SOD2: variants seen among roughly 807,000 people sequenced by gnomAD.
SOD2 encodes superoxide dismutase 2, also known as superoxide dismutase [Mn], mitochondrial.
SOD2 carries 11 observed loss-of-function variants against 27.0 expected under a neutral mutation model. The ratio of observed to expected loss-of-function variants is 0.41; its 90% CI spans 0.26 to 0.67. The LOEUF (loss-of-function observed/expected upper bound fraction) is 0.67. SOD2 is among the 30% of genes least tolerant of loss of function. The probability of loss-of-function intolerance (pLI) is 0.34; values close to 1 mark genes in which losing one functional copy is unlikely to be tolerated. For synonymous variants in SOD2, 105 were observed against 103.0 expected (o/e 1.02, Z -0.12); for missense variants, 250 against 274.5 (o/e 0.91, Z 0.63).
intron 1 of SOD2, among the ~76,000 whole-genome samples, chr6:159,751,407 T>C (rs1779815553): frequency 6.6e-6 from 1 of 152,212 alleles, no homozygotes; most frequent in South Asian, 2.1e-4. Flanking sequence ...ACCAATGAAA[T>C]ATATATACTT....
intron 2 of SOD2, among the ~76,000 whole-genome samples, chr6:159,688,966 G>C (rs1780320123): frequency 6.6e-6 from 1 of 152,188 alleles, no homozygotes; most frequent in South Asian, 2.1e-4. Context: ...TTGGGACAGA[G>C]GACCAGTATT....
At position 159,715,931 on chromosome 6, in the gene SOD2, T is replaced by TA. The variant is rs796266302; in HGVS notation, c.-116+11197dup. Among the ~76,000 whole-genome samples, 32 of 150,446 alleles carry TA rather than the reference T, an allele frequency of 2.1e-4. No individual in the cohort carries two copies. In the South Asian group the frequency reaches 4.6e-3, roughly 22 times the overall value. ...AAAAAAAAAAAAAAAGTTCTGAAAA[T>TA]AAAATCCTTCAAGACCCTTATATTT... On this transcript the variant is annotated intron_variant, in intron 1 of 2. Coordinates refer to the SOD2 transcript ENST00000401980.
At chr6:159,691,728 A>G (rs1214846645) in intron 2 of SOD2, 7 of 90,576 alleles carry the variant, frequency 7.7e-5, no homozygotes, top group Admixed American at 6.8e-4. Context: ...GCTCTTGAGA[A>G]AAAAAAAAAA....
intron 1 of SOD2, among the ~76,000 whole-genome samples, chr6:159,735,412 T>C (rs915502024): frequency 1.3e-5 from 2 of 152,212 alleles, no homozygotes; most frequent in Non-Finnish European, 2.9e-5. Context: ...ATGCTGAGAT[T>C]ACAGTCGTGA....
rs551910115 is a variant in SOD2 at position 159,676,077 on chromosome 6, C to G, written c.*6416G>C. 6.6e-6 allele frequency: 1 copy of G among 152,234 alleles called. No individual in the cohort carries two copies. Among genetic ancestry groups the G allele is most frequent in the South Asian group, 2.1e-4 (1 of 4,822 alleles). The allele number at this position is 152,234 out of a possible 1,614,324, so 9.4% of individuals were successfully genotyped here. ...ATCTCACACCAGTTAGAATGTCAAT[C>G]ATTAAAAAGTCAGGAAACAACAGGT... On this transcript the variant is annotated 3_prime_UTR_variant, in exon 5 of 5. Transcript: ENST00000538183.
exon 1 of SOD2, chr6:159,761,944 T>C (rs1780141678): frequency 1.0e-6 from 1 of 971,406 alleles, no homozygotes; most frequent in East Asian, 2.8e-5. Flanking sequence ...CACAGTGGGA[T>C]GCGCGGGGAG....
chr6:159,728,472 A>G (rs1778364148), upstream of SOD2, among the ~76,000 whole-genome samples: 1 of 152,230 alleles, frequency 6.6e-6, no homozygotes, highest in Non-Finnish European at 1.5e-5. Flanking sequence ...TACTTCTATG[A>G]GTATGTTACA....
intron 1 of SOD2, chr6:159,713,259 G>T (rs1040400407): frequency 4.2e-6 from 3 of 718,186 alleles, no homozygotes; most frequent in Non-Finnish European, 7.4e-6. Flanking sequence ...TTACAGCCAC[G>T]ATAGTCATCA....
intron 1 of SOD2, among the ~76,000 whole-genome samples, chr6:159,718,552 A>C (rs915183286): frequency 5.7e-4 from 87 of 152,350 alleles, no homozygotes; most frequent in African/African-American, 1.9e-3. Context: ...TAAATGTTAT[A>C]GCTTTAATTA....
In SOD2 at chr6:159,673,210, G is replaced by A. The variant is rs934305114; in HGVS notation, c.*9283C>T. Reference sequence around the variant, plus strand: ...ATCAACGAGACAGAAAGTTAACAAGGATATCCAGGAATTGAATTCAGCTCT... The same window carrying A: ...ATCAACGAGACAGAAAGTTAACAAGAATATCCAGGAATTGAATTCAGCTCT... On this transcript the variant is annotated 3_prime_UTR_variant, in exon 5 of 5. Transcript: ENST00000538183. 2.9e-4 allele frequency: 44 copies of A among 152,140 alleles called. No individual in the cohort carries two copies. The highest frequency in any genetic ancestry group is 9.4e-4 in the African/African-American group (39 of 41,516). The allele number at this position is 152,140 out of a possible 1,614,324, so 9.4% of individuals were successfully genotyped here.
rs1319826925 is a variant in SOD2 at position 159,672,285 on chromosome 6, AATTGTCAG to A, written c.*10200_*10207del. 6.6e-6 allele frequency: 1 copy of A among 152,174 alleles called. No individual in the cohort carries two copies. The highest frequency in any genetic ancestry group is 1.5e-5 in the Non-Finnish European group (1 of 68,034). 9.4% of individuals were successfully genotyped at this position (152,174 alleles called of 1,614,324 possible). On this transcript the variant is annotated 3_prime_UTR_variant, in exon 5 of 5. Coordinates refer to ENST00000538183, the MANE Select transcript of SOD2 (RefSeq NM_000636.4). ...CGAGAAGAGCAACTCCAAGACACAT[AATTGTCAG>A]ATTCACCAAAGTTGAAATGAAGGAA...
chr6:159,730,297 A>T (rs1342441488), upstream of SOD2, among the ~76,000 whole-genome samples: 1 of 152,200 alleles, frequency 6.6e-6, no homozygotes, highest in Non-Finnish European at 1.5e-5. Context: ...TTCCTTCAGG[A>T]TTCAACTTTA....
chr6:159,714,009 TGGC>T, intron 1 of SOD2: 2 of 740,420 alleles, frequency 2.7e-6, no homozygotes, highest in Non-Finnish European at 4.5e-6. Flanking sequence ...GAGCTCTTGG[TGGC>T]AAGTTTGGCG....
intron 1 of SOD2, chr6:159,713,840 C>T: frequency 9.0e-7 from 1 of 1,105,930 alleles, no homozygotes; most frequent in Non-Finnish European, 1.4e-6. Context: ...ACTTGGTCTG[C>T]CTTCTCCGGT....
chr6:159,733,950 C>T (rs1778749731), intron 1 of SOD2, among the ~76,000 whole-genome samples: 1 of 152,132 alleles, frequency 6.6e-6, no homozygotes, highest in Non-Finnish European at 1.5e-5. Flanking sequence ...AAGAAGCAAG[C>T]CAGTAATCTA....
exon 1 of SOD2, chr6:159,761,994 C>G: frequency 6.9e-7 from 1 of 1,454,868 alleles, no homozygotes. Context: ...GCGGGGCTAC[C>G]TCAGGTCCCG....
intron 1 of SOD2, among the ~76,000 whole-genome samples, chr6:159,705,638 T>G (rs1295427845): frequency 6.6e-6 from 1 of 152,198 alleles, no homozygotes; most frequent in African/African-American, 2.4e-5. Flanking sequence ...AATCTACGTC[T>G]GATTGGTGTA....
upstream of SOD2, among the ~76,000 whole-genome samples, chr6:159,730,371 A>G (rs777032701): frequency 1.3e-5 from 2 of 152,162 alleles, no homozygotes; most frequent in African/African-American, 2.4e-5. Context: ...TGTTCTGAGA[A>G]CCTAGAATAT....
chr6:159,714,562 C>T (rs542416093), intron 1 of SOD2, among the ~76,000 whole-genome samples: 1 of 152,334 alleles, frequency 6.6e-6, no homozygotes, highest in South Asian at 2.1e-4. Flanking sequence ...CTCGTTTCAT[C>T]GCCAGGCGGT....
Sources: allele counts gnomAD v4.1 joint callset (sites outside exome capture counted in the v4.1 genomes callset), GRCh38; gene constraint gnomAD v4.1.1; transcripts MANE v1.5; gene names NCBI Gene and HGNC (gene_info 2026-07-23, HGNC 2026-07-21).